GLIS3: variants seen among roughly 807,000 people sequenced by gnomAD.
GLIS3 encodes the protein GLIS family zinc finger 3.
A neutral mutation model predicts 78.6 loss-of-function variants in GLIS3; 53 were observed. The observed-to-expected ratio is 0.67, with a 90% CI of 0.54 to 0.85. The LOEUF is 0.85. Ranked by LOEUF, GLIS3 falls within the 40% of genes least tolerant of loss-of-function variation. The pLI is 0.00. For synonymous variants in GLIS3, 684 were observed against 509.9 expected, an observed-to-expected ratio of 1.34 and a Z score of -4.60; for missense variants, 1,703 against 1,231.1, an observed-to-expected ratio of 1.38 and a Z score of -5.74.
chr9:4,010,528 TGAA>T (rs751383359), intron 4 of GLIS3, among the ~76,000 whole-genome samples: 251 of 151,954 alleles, frequency 1.7e-3, no homozygotes, highest in Non-Finnish European at 2.8e-3. Flanking sequence ...AAAGCAGAAG[TGAA>T]GAAGAAGCCA....
chr9:4,289,078 C>T (rs529872184), intron 1 of GLIS3, among the ~76,000 whole-genome samples: 7 of 152,104 alleles, frequency 4.6e-5, no homozygotes, highest in Non-Finnish European at 8.8e-5. Context: ...GGATAAAATG[C>T]TATTATAACT....
chr9:4,186,820 T>A (rs1428796605), intron 2 of GLIS3, among the ~76,000 whole-genome samples: 1 of 152,226 alleles, frequency 6.6e-6, no homozygotes, highest in East Asian at 1.9e-4. Flanking sequence ...TCTGTTCATA[T>A]CCATTGCCCA....
chr9:4,469,693 A>G, the GLIS3 span, among the ~76,000 whole-genome samples: 7 of 152,238 alleles, frequency 4.6e-5, no homozygotes, highest in African/African-American at 7.2e-5. Flanking sequence ...GGAAAGATCT[A>G]AAATCGACAA....
At chr9:4,374,663 G>C in the GLIS3 span, among the ~76,000 whole-genome samples, 1 of 152,238 alleles carries the variant, frequency 6.6e-6, no homozygotes, top group Non-Finnish European at 1.5e-5. Context: ...CCAGGAGGAA[G>C]AGAATGAGAC....
rs33952886 is a variant in GLIS3, at chr9:4,058,449, T to TAA, written c.1710+59317_1710+59318dup. ...CGAGACATATTTCCTTTCCCCTATT[T>TAA]AAAAAAAAAAACAGTTCCCATCTCT... is the stretch of plus-strand genomic sequence containing the variant. On this transcript the variant is annotated intron_variant, in intron 4 of 10. Coordinates refer to ENST00000381971, the MANE Select transcript of GLIS3 (RefSeq NM_001042413.2). Among the ~76,000 whole-genome samples, 1,102 of 147,714 alleles carry TAA rather than the reference T, an allele frequency of 7.5e-3. 4 individuals carry two copies. The highest frequency in any genetic ancestry group is 0.021 in the Middle Eastern group (6 of 286).
At chr9:4,280,542 C>A (rs770933760) in intron 2 of GLIS3, among the ~76,000 whole-genome samples, 4 of 151,992 alleles carry the variant, frequency 2.6e-5, no homozygotes, top group Non-Finnish European at 4.4e-5. Flanking sequence ...TAATACAACA[C>A]AAAACAGCAG....
intron 4 of GLIS3, among the ~76,000 whole-genome samples, chr9:3,981,115 T>G (rs1222825764): frequency 6.6e-6 from 1 of 152,190 alleles, no homozygotes; most frequent in Admixed American, 6.5e-5. Context: ...CGCTACCTCT[T>G]GGAGTTTATG....
chr9:4,164,028 T>C (rs1835699821), intron 2 of GLIS3, among the ~76,000 whole-genome samples: 1 of 152,224 alleles, frequency 6.6e-6, no homozygotes, highest in African/African-American at 2.4e-5. Context: ...CATAATCTAC[T>C]TTATTCTCAT....
the GLIS3 span, among the ~76,000 whole-genome samples, chr9:4,402,973 G>T: frequency 8.5e-5 from 13 of 152,138 alleles, no homozygotes; most frequent in Non-Finnish European, 1.9e-4. Context: ...AAGGTTAATA[G>T]AACACCAAGC....
chr9:4,424,100 A>G, the GLIS3 span, among the ~76,000 whole-genome samples: 2 of 152,146 alleles, frequency 1.3e-5, no homozygotes, highest in Middle Eastern at 3.2e-3. Flanking sequence ...TTACAAGAAA[A>G]CTCCCAATAT....
the GLIS3 span, among the ~76,000 whole-genome samples, chr9:4,412,221 C>G: frequency 6.6e-6 from 1 of 152,178 alleles, no homozygotes; most frequent in Admixed American, 6.5e-5. Context: ...GCTATGATAG[C>G]TTAATGCTGT....
At chr9:4,400,087 T>C in the GLIS3 span, among the ~76,000 whole-genome samples, 2 of 152,188 alleles carry the variant, frequency 1.3e-5, no homozygotes, top group Non-Finnish European at 2.9e-5. Context: ...AGTTTGCTCC[T>C]AATCCCAAGG....
intron 4 of GLIS3, among the ~76,000 whole-genome samples, chr9:4,078,158 C>T (rs563797844): frequency 4.6e-5 from 7 of 152,014 alleles, no homozygotes; most frequent in Non-Finnish European, 7.4e-5. Flanking sequence ...ATTTCTGGAC[C>T]GAAAGTAAGT....
intron 8 of GLIS3, among the ~76,000 whole-genome samples, chr9:3,856,511 C>G (rs1192403096): frequency 6.6e-6 from 1 of 152,072 alleles, no homozygotes; most frequent in Non-Finnish European, 1.5e-5. Context: ...TTTGCCAAGC[C>G]CTTTTTCTGC....
intron 2 of GLIS3, among the ~76,000 whole-genome samples, chr9:4,201,859 G>C (rs1295328936): frequency 6.6e-6 from 1 of 152,122 alleles, no homozygotes; most frequent in African/African-American, 2.4e-5. Flanking sequence ...CATGAAGCCA[G>C]GCATGGTAGC....
chr9:4,293,999 G>GTT (rs1563911766), intron 1 of GLIS3, among the ~76,000 whole-genome samples: 1 of 152,120 alleles, frequency 6.6e-6, no homozygotes, highest in African/African-American at 2.4e-5. Context: ...TTGGATCTTT[G>GTT]TTTCTGTTAA....
At chr9:4,084,067 G>C (rs1482516047) in intron 4 of GLIS3, among the ~76,000 whole-genome samples, 1 of 152,064 alleles carries the variant, frequency 6.6e-6, no homozygotes, top group African/African-American at 2.4e-5. Flanking sequence ...AGGATTTTTA[G>C]AACAAAACAC....
At chr9:4,319,841 G>C (rs1200772591) in intron 2 of GLIS3, among the ~76,000 whole-genome samples, 2 of 152,062 alleles carry the variant, frequency 1.3e-5, no homozygotes, top group African/African-American at 4.8e-5. Flanking sequence ...TAACGTTATT[G>C]AAATATACTT....
chr9:4,021,986 G>A (rs1246753064), intron 4 of GLIS3, among the ~76,000 whole-genome samples: 3 of 152,168 alleles, frequency 2.0e-5, no homozygotes, highest in African/African-American at 7.2e-5. Context: ...CGGTTAGTGT[G>A]TTTGTTTGTT....
Sources: allele counts gnomAD v4.1 joint callset (sites outside exome capture counted in the v4.1 genomes callset), GRCh38; gene constraint gnomAD v4.1.1; transcripts MANE v1.5; gene names NCBI Gene and HGNC (gene_info 2026-07-23, HGNC 2026-07-21).